The following BNC2 variants were observed in gnomAD, a reference collection of about 807,000 sequenced individuals.
BNC2 encodes zinc finger protein basonuclin-2.
Under a neutral mutation model 76.3 loss-of-function variants are expected in BNC2, and 20 were observed. That is an observed-to-expected ratio of 0.26 (90% CI 0.18 to 0.38). The LOEUF (loss-of-function observed/expected upper bound fraction) is 0.38, where lower values mean the gene tolerates loss of function less well. BNC2 is among the 10% of genes least tolerant of loss of function. The probability of loss-of-function intolerance (pLI) is 1.00; values close to 1 mark genes in which losing one functional copy is unlikely to be tolerated. For missense variants in BNC2, 1,382 were observed against 1,399.8 expected, an observed-to-expected ratio of 0.99 and a Z score of 0.20; for synonymous variants, 582 against 514.8, an observed-to-expected ratio of 1.13 and a Z score of -1.77.
intron 1 of BNC2, among the ~76,000 whole-genome samples, chr9:16,745,940 A>G (rs149747608): frequency 9.5e-4 from 144 of 152,304 alleles, no homozygotes; most frequent in East Asian, 4.4e-3. Flanking sequence ...AAAAATATTG[A>G]TATTGTGAAT....
At chr9:16,748,579 C>A (rs1825079286) in intron 1 of BNC2, among the ~76,000 whole-genome samples, 1 of 151,504 alleles carries the variant, frequency 6.6e-6, no homozygotes, top group Non-Finnish European at 1.5e-5. Flanking sequence ...TGCAGTGGCT[C>A]ATGCCTGTAT....
intron 1 of BNC2, among the ~76,000 whole-genome samples, chr9:16,800,803 GT>G (rs1026997615): frequency 1.3e-5 from 2 of 152,052 alleles, no homozygotes; most frequent in African/African-American, 4.8e-5. Flanking sequence ...ATTTTCAACA[GT>G]TTTTAAAAAC....
chr9:16,462,480 T>A (rs961706061), intron 5 of BNC2, among the ~76,000 whole-genome samples: 1 of 152,104 alleles, frequency 6.6e-6, no homozygotes, highest in Admixed American at 6.6e-5. Context: ...ATCTTGTAAC[T>A]CCTGCTGGCA....
intron 1 of BNC2, among the ~76,000 whole-genome samples, chr9:16,843,130 T>C (rs10810644): frequency 0.19 from 29,388 of 152,208 alleles, 3,121 homozygotes; most frequent in South Asian, 0.31. Flanking sequence ...ATAGATTTGA[T>C]AGATAGATAA....
chr9:16,652,572 CT>C (rs925242918), intron 3 of BNC2, among the ~76,000 whole-genome samples: 1 of 152,072 alleles, frequency 6.6e-6, no homozygotes, highest in Non-Finnish European at 1.5e-5. Flanking sequence ...CACATTGAAC[CT>C]GTCTGCATTA....
intron 3 of BNC2, among the ~76,000 whole-genome samples, chr9:16,726,434 C>T (rs765024236): frequency 8.6e-5 from 13 of 151,728 alleles, no homozygotes; most frequent in South Asian, 2.1e-4. Context: ...TTATCGCTTG[C>T]AAATGTATTT....
chr9:16,509,792 A>C (rs1822711269), intron 5 of BNC2, among the ~76,000 whole-genome samples: 1 of 152,230 alleles, frequency 6.6e-6, no homozygotes, highest in Admixed American at 6.5e-5. Context: ...CAAGTTATAA[A>C]GTCATTTAAC....
rs374548370 is a variant in BNC2 at position 16,780,052 on chromosome 9, T to C, written c.4-41567A>G. On this transcript the variant is annotated intron_variant, in intron 1 of 6. Transcript: ENST00000380672. ...CAGATCGAGACCATCCTGGCTAACA[T>C]GGTGAAACCCCATCTCTACTAAAAA... is the stretch of plus-strand genomic sequence containing the variant. 7.6e-3 allele frequency among the ~76,000 whole-genome samples: 1,139 copies of C among 149,504 alleles called. 7 individuals carry two copies. Among genetic ancestry groups the C allele is most frequent in the South Asian group, 0.026 (124 of 4,728 alleles).
chr9:16,659,706 G>A (rs575088403), intron 3 of BNC2, among the ~76,000 whole-genome samples: 1 of 152,062 alleles, frequency 6.6e-6, no homozygotes, highest in African/African-American at 2.4e-5. Context: ...TCTGTGCAGG[G>A]CTTGCTCTCT....
At chr9:16,813,411 G>A (rs947958697) in intron 1 of BNC2, among the ~76,000 whole-genome samples, 6 of 151,166 alleles carry the variant, frequency 4.0e-5, no homozygotes, top group East Asian at 2.0e-4. Flanking sequence ...GACTACAGGC[G>A]CCCGCCACTA....
chr9:16,561,100 A>G (rs112258824), intron 4 of BNC2, among the ~76,000 whole-genome samples: 12,998 of 152,104 alleles, frequency 0.085, 1,235 homozygotes, highest in African/African-American at 0.22. Flanking sequence ...TTAGCCAGGC[A>G]TGGTGGTGGG....
In BNC2 at chr9:16,806,371, TAAAAAAG is replaced by T. The variant is rs1474476874; in HGVS notation, c.3+64268_3+64274del. Among the ~76,000 whole-genome samples the T allele has an allele frequency of 4.6e-5, 7 of 151,348 alleles. No homozygotes were observed. The East Asian group carries it at 9.8e-4, about 21-fold the overall frequency. ...GACAGAGTGAGGCTTAGTTTCTTTC[TAAAAAAG>T]AAAAAAGAAAAGAAAAGAAAGAAGG... On this transcript the variant is annotated intron_variant, in intron 1 of 6. Transcript: ENST00000380672.
intron 1 of BNC2, among the ~76,000 whole-genome samples, chr9:16,748,942 ATATAT>A (rs1428655827): frequency 7.4e-6 from 1 of 134,734 alleles, no homozygotes; most frequent in Admixed American, 7.6e-5. Flanking sequence ...ATATATATAT[ATATAT>A]ATGAAATTAA....
chr9:16,770,572 G>C lies in BNC2; in HGVS notation c.4-32087C>G, dbSNP rs1012728185. Reference sequence around the variant, plus strand: ...AATGACCATGGTAACCAATCACCCAGGGGCTGTTTCACCTGAGAAGTTCTA... The same window carrying C: ...AATGACCATGGTAACCAATCACCCACGGGCTGTTTCACCTGAGAAGTTCTA... On this transcript the variant is annotated intron_variant, in intron 1 of 6. Transcript: ENST00000380672. 3.9e-5 allele frequency among the ~76,000 whole-genome samples: 6 copies of C among 152,156 alleles called. No individual in the cohort carries two copies. In the South Asian group the frequency reaches 1.2e-3, roughly 32 times the overall value.
chr9:16,636,917 C>T (rs1279007669), intron 3 of BNC2, among the ~76,000 whole-genome samples: 2 of 151,504 alleles, frequency 1.3e-5, no homozygotes, highest in Non-Finnish European at 2.9e-5. Context: ...TATATTATTC[C>T]ATGATTTAAA....
intron 5 of BNC2, among the ~76,000 whole-genome samples, chr9:16,541,067 A>C (rs899250401): frequency 3.9e-5 from 6 of 152,214 alleles, no homozygotes; most frequent in Non-Finnish European, 8.8e-5. Context: ...AGAGAAAAGA[A>C]ATAAACTTCC....
intron 1 of BNC2, among the ~76,000 whole-genome samples, chr9:16,809,239 C>A (rs559191892): frequency 2.2e-4 from 33 of 152,158 alleles, no homozygotes; most frequent in African/African-American, 7.9e-4. Context: ...AGATAAGAGC[C>A]AAAAACAAGC....
At chr9:16,838,579 G>A (rs115065047) in intron 1 of BNC2, among the ~76,000 whole-genome samples, 1 of 152,046 alleles carries the variant, frequency 6.6e-6, no homozygotes, top group Admixed American at 6.5e-5. Context: ...AGAAATGCGA[G>A]TTGTTACCTC....
At chr9:16,821,994 G>A (rs1405031067) in intron 1 of BNC2, among the ~76,000 whole-genome samples, 3 of 149,144 alleles carry the variant, frequency 2.0e-5, no homozygotes, top group Non-Finnish European at 4.4e-5. Flanking sequence ...TCGGGAGGCT[G>A]AAGCAGGAGA....
Sources: allele counts gnomAD v4.1 joint callset (sites outside exome capture counted in the v4.1 genomes callset), GRCh38; gene constraint gnomAD v4.1.1; transcripts MANE v1.5; gene names NCBI Gene and HGNC (gene_info 2026-07-23, HGNC 2026-07-21).